FBXL17: variants seen among roughly 807,000 people sequenced by gnomAD.
FBXL17 encodes the protein F-box and leucine rich repeat protein 17, also known as F-box/LRR-repeat protein 17.
FBXL17 carries 22 observed loss-of-function variants against 66.2 expected under a neutral mutation model. The ratio of observed to expected loss-of-function variants is 0.33; its 90% CI spans 0.24 to 0.47. The LOEUF is 0.47. Among genes scored for constraint, FBXL17 ranks in the 20% least tolerant of loss-of-function variants. The probability of loss-of-function intolerance (pLI) is 1.00; values close to 1 mark genes in which losing one functional copy is unlikely to be tolerated. For missense variants in FBXL17, 878 were observed against 948.2 expected, an observed-to-expected ratio of 0.93 and a Z score of 0.97; for synonymous variants, 474 against 400.5, an observed-to-expected ratio of 1.18 and a Z score of -2.19.
At position 108,161,197 on chromosome 5, in the gene FBXL17, C is replaced by CATACATACATACATACATA. The variant is rs1561440676; in HGVS notation, c.1745+24919_1745+24920insTATGTATGTATGTATGTAT. 4.1e-5 allele frequency among the ~76,000 whole-genome samples: 6 copies of CATACATACATACATACATA among 147,920 alleles called. No homozygotes were observed. In the South Asian group the frequency reaches 6.5e-4, roughly 16 times the overall value. ...ACATACATACATACATACATACATA[C>CATACATACATACATACATA]CCCAGCCCAGCGCAGTGGCTCACAC... On this transcript the variant is annotated intron_variant, in intron 6 of 8. Transcript: ENST00000542267.
chr5:108,094,149 C>A (rs367585527), intron 6 of FBXL17, among the ~76,000 whole-genome samples: 1 of 152,100 alleles, frequency 6.6e-6, no homozygotes, highest in Non-Finnish European at 1.5e-5. Context: ...AGGCACAAAA[C>A]GCAATCTATA....
intron 4 of FBXL17, among the ~76,000 whole-genome samples, chr5:108,292,966 C>T (rs545647003): frequency 9.1e-4 from 138 of 152,062 alleles, no homozygotes; most frequent in African/African-American, 3.3e-3. Flanking sequence ...TGGCGGGTGC[C>T]TGTAGTCCAA....
chr5:107,922,289 A>G (rs1291708871), intron 7 of FBXL17, among the ~76,000 whole-genome samples: 2 of 152,188 alleles, frequency 1.3e-5, no homozygotes, highest in African/African-American at 2.4e-5. Context: ...AGAAGGATGA[A>G]TACAGAGCTT....
intron 7 of FBXL17, among the ~76,000 whole-genome samples, chr5:107,896,691 C>T (rs1421660396): frequency 6.6e-6 from 1 of 152,092 alleles, no homozygotes. Flanking sequence ...CATGACATTA[C>T]AAGAAAAAGT....
rs183602798 is a variant in FBXL17 at position 108,178,278 on chromosome 5, G to A, written c.1745+7839C>T. 2.6e-5 allele frequency among the ~76,000 whole-genome samples: 4 copies of A among 152,066 alleles called. No homozygotes were observed. In the East Asian group the frequency reaches 5.8e-4, roughly 22 times the overall value. ...GCCCAGGCTGGTCTTGAACTCCTGA[G>A]CTCAAGTAGTCCACCCTCCTTGGCC... On this transcript the variant is annotated intron_variant, in intron 6 of 8. Coordinates refer to ENST00000542267, the MANE Select transcript of FBXL17 (RefSeq NM_001163315.3).
intron 4 of FBXL17, among the ~76,000 whole-genome samples, chr5:108,269,101 C>A (rs1757161515): frequency 6.6e-6 from 1 of 152,014 alleles, no homozygotes; most frequent in Non-Finnish European, 1.5e-5. Context: ...TACAAATTCC[C>A]CTCAGCTTCA....
chr5:108,381,545 C>CCGGGG lies in FBXL17; in HGVS notation c.142_146dup (p.Ser50ProfsTer310). The CCGGGG allele has an allele frequency of 7.0e-7, 1 of 1,427,292 alleles. No individual in the cohort carries two copies. The highest frequency in any genetic ancestry group is 1.4e-5 in the South Asian group (1 of 69,018). The allele number at this position is 1,427,292 out of a possible 1,614,324, so 88.4% of individuals were successfully genotyped here. A position where few individuals can be genotyped will look rare whatever the true frequency, so the allele number is the denominator to read the frequency against. ...GCCCGCGGAAGAAGCAGTCCCGGCT[C>CCGGGG]CGGGGCGCCGCCGGCTGAGGGGGCA... On this transcript the variant is annotated frameshift_variant, in exon 1 of 9. Coordinates refer to ENST00000542267, the MANE Select transcript of FBXL17 (RefSeq NM_001163315.3). LOFTEE classifies it high-confidence loss of function.
chr5:108,071,583 C>A (rs1748333977), intron 6 of FBXL17, among the ~76,000 whole-genome samples: 1 of 151,372 alleles, frequency 6.6e-6, no homozygotes. Flanking sequence ...TCCTCCTGTT[C>A]CTCCTCGTCT....
intron 4 of FBXL17, among the ~76,000 whole-genome samples, chr5:108,338,011 A>T (rs1746623725): frequency 1.3e-5 from 2 of 152,226 alleles, no homozygotes; most frequent in East Asian, 1.9e-4. Flanking sequence ...ACAATTATAT[A>T]TGATAAACAG....
At position 108,004,102 on chromosome 5, in the gene FBXL17, A is replaced by G. The variant is rs558703786; in HGVS notation, c.1822+16823T>C. ...AAAAAAGACAATTACTAACAAAGGA[A>G]TAATGATTGGCAGCTCTTTCAACAT... On this transcript the variant is annotated intron_variant, in intron 7 of 8. Coordinates refer to ENST00000542267, the MANE Select transcript of FBXL17 (RefSeq NM_001163315.3). Among the ~76,000 whole-genome samples the G allele has an allele frequency of 2.0e-5, 3 of 152,340 alleles. No homozygotes were observed. In the South Asian group the frequency reaches 6.2e-4, roughly 32 times the overall value.
At chr5:108,247,034 C>G (rs1272501990) in intron 4 of FBXL17, among the ~76,000 whole-genome samples, 1 of 152,074 alleles carries the variant, frequency 6.6e-6, no homozygotes, top group Non-Finnish European at 1.5e-5. Context: ...CACAAATGTT[C>G]ACCACCAACT....
At chr5:108,159,755 T>C (rs1301629307) in intron 6 of FBXL17, among the ~76,000 whole-genome samples, 1 of 152,224 alleles carries the variant, frequency 6.6e-6, no homozygotes, top group East Asian at 1.9e-4. Context: ...GGATAGACTT[T>C]AAATAATGGG....
chr5:107,958,167 A>C (rs999174156), intron 7 of FBXL17, among the ~76,000 whole-genome samples: 1 of 151,930 alleles, frequency 6.6e-6, no homozygotes, highest in African/African-American at 2.4e-5. Context: ...ATGAGTAAAA[A>C]GAAAAGGAGA....
At chr5:108,187,633 G>C (rs1306979265) in intron 5 of FBXL17, among the ~76,000 whole-genome samples, 1 of 152,168 alleles carries the variant, frequency 6.6e-6, no homozygotes. Context: ...TTTAGAGTTG[G>C]AAACAGCCCT....
chr5:108,060,127 A>C (rs993079607), intron 6 of FBXL17, among the ~76,000 whole-genome samples: 1 of 151,352 alleles, frequency 6.6e-6, no homozygotes, highest in Non-Finnish European at 1.5e-5. Flanking sequence ...TATTATACTA[A>C]GTACAAATCT....
At chr5:108,299,429 A>T (rs772077512) in intron 4 of FBXL17, 193 of 956,610 alleles carry the variant, frequency 2.0e-4, no homozygotes, top group Admixed American at 2.5e-4. Flanking sequence ...TGTACTAAAA[A>T]ACAAAGACAC....
intron 6 of FBXL17, among the ~76,000 whole-genome samples, chr5:108,115,393 C>G (rs561942939): frequency 6.6e-6 from 1 of 151,752 alleles, no homozygotes; most frequent in East Asian, 1.9e-4. Flanking sequence ...AAAAAGCTCA[C>G]GCTATCATAT....
chr5:108,110,915 A>T (rs1750008680), intron 6 of FBXL17, among the ~76,000 whole-genome samples: 1 of 152,212 alleles, frequency 6.6e-6, no homozygotes, highest in Non-Finnish European at 1.5e-5. Flanking sequence ...CATAATAATT[A>T]TTAAACTAGG....
intron 8 of FBXL17, among the ~76,000 whole-genome samples, chr5:107,863,336 G>A (rs1181814037): frequency 6.6e-6 from 1 of 151,302 alleles, no homozygotes; most frequent in Non-Finnish European, 1.5e-5. Flanking sequence ...CCTAGTTTCA[G>A]TTTATTAAGT....
Sources: allele counts gnomAD v4.1 joint callset (sites outside exome capture counted in the v4.1 genomes callset), GRCh38; gene constraint gnomAD v4.1.1; transcripts MANE v1.5; gene names NCBI Gene and HGNC (gene_info 2026-07-23, HGNC 2026-07-21).